Variants in FGF14 observed in about 807,000 individuals in gnomAD.
FGF14 encodes the protein fibroblast growth factor homologous factor 4.
A neutral mutation model predicts 25.5 loss-of-function variants in FGF14; 5 were observed. The ratio of observed to expected loss-of-function variants is 0.20; its 90% CI spans 0.10 to 0.41. FGF14 has a LOEUF of 0.41. FGF14 is among the 10% of genes least tolerant of loss of function. FGF14 has a pLI of 1.00. For synonymous variants in FGF14, 138 were observed against 118.3 expected, an observed-to-expected ratio of 1.17 and a Z score of -1.08; for missense variants, 222 against 320.1, an observed-to-expected ratio of 0.69 and a Z score of 2.34.
At position 102,144,357 on chromosome 13, in the gene FGF14, C is replaced by G. The variant is rs1487279625; in HGVS notation, c.208+257114G>C. On this transcript the variant is annotated intron_variant, in intron 1 of 4. Coordinates refer to the FGF14 transcript ENST00000376131. ...TTTTGATTAGATCAGGATTTTTACA[C>G]TGAACTGCTTATCCAAAAGAAATAA... is the stretch of plus-strand genomic sequence containing the variant. Among the ~76,000 whole-genome samples, 4 of 152,248 alleles carry G rather than the reference C, an allele frequency of 2.6e-5. No individual in the cohort carries two copies. In the East Asian group the frequency reaches 5.8e-4, roughly 22 times the overall value.
chr13:101,715,880 T>C lies in FGF14; in HGVS notation c.*6951A>G. The C allele has an allele frequency of 2.3e-6, 1 of 429,078 alleles. No individual in the cohort carries two copies. Among genetic ancestry groups the C allele is most frequent in the Non-Finnish European group, 4.2e-6 (1 of 237,472 alleles). 26.6% of individuals were successfully genotyped at this position (429,078 alleles called of 1,614,324 possible). A position where few individuals can be genotyped will look rare whatever the true frequency, so the allele number is the denominator to read the frequency against. Reference sequence around the variant, plus strand: ...AAGATTCTTCCATAATTAACATAAGTGGTTCCTAACGAGAGCAATTTTTCC... The same window carrying C: ...AAGATTCTTCCATAATTAACATAAGCGGTTCCTAACGAGAGCAATTTTTCC... On this transcript the variant is annotated 3_prime_UTR_variant, in exon 5 of 5. Coordinates refer to ENST00000376143, the MANE Select transcript of FGF14 (RefSeq NM_004115.4).
chr13:102,373,466 A>G (rs1454521523), intron 1 of FGF14: 2 of 152,194 alleles, frequency 1.3e-5, no homozygotes, highest in Non-Finnish European at 2.9e-5. Context: ...AAGACAGAGC[A>G]GAAGGTTCAT....
chr13:102,094,445 G>GA (rs536391495), intron 1 of FGF14, among the ~76,000 whole-genome samples: 24 of 152,224 alleles, frequency 1.6e-4, no homozygotes, highest in African/African-American at 5.8e-4. Flanking sequence ...AAATCACTGA[G>GA]AAAAAATGGG....
At chr13:101,733,021 A>G (rs1029751546) in intron 3 of FGF14, among the ~76,000 whole-genome samples, 6 of 152,174 alleles carry the variant, frequency 3.9e-5, no homozygotes, top group Non-Finnish European at 7.3e-5. Context: ...GACACTAACC[A>G]CTTCTTTAAA....
At chr13:101,841,749 G>C (rs1487367236) in intron 3 of FGF14, among the ~76,000 whole-genome samples, 1 of 151,884 alleles carries the variant, frequency 6.6e-6, no homozygotes, top group Non-Finnish European at 1.5e-5. Flanking sequence ...AAACTGTCTT[G>C]TTGTCAGTGT....
chr13:102,232,100 T>C (rs776267217), intron 1 of FGF14, among the ~76,000 whole-genome samples: 1 of 152,178 alleles, frequency 6.6e-6, no homozygotes, highest in African/African-American at 2.4e-5. Context: ...CAGACTACTA[T>C]AAACATGAAA....
chr13:102,243,776 C>T (rs1037812651), intron 1 of FGF14, among the ~76,000 whole-genome samples: 1 of 151,340 alleles, frequency 6.6e-6, no homozygotes, highest in African/African-American at 2.4e-5. Flanking sequence ...AATAGGTGGT[C>T]AGCAAGAGTG....
chr13:101,782,626 G>A (rs921252231), intron 3 of FGF14, among the ~76,000 whole-genome samples: 1 of 152,172 alleles, frequency 6.6e-6, no homozygotes, highest in African/African-American at 2.4e-5. Context: ...CTTAATAAGT[G>A]AGAACATGTG....
rs544855287 is a variant in FGF14 at position 101,854,279 on chromosome 13, T to G, written c.408+14446A>C. On this transcript the variant is annotated intron_variant, in intron 3 of 4. Coordinates refer to ENST00000376143, the MANE Select transcript of FGF14 (RefSeq NM_004115.4). ...TATTGCTGTTATCATAATTTTAGTC[T>G]TCCTAAGATTTCTAAGAGTGATCCC... Among the ~76,000 whole-genome samples, 14 of 152,252 alleles carry G rather than the reference T, an allele frequency of 9.2e-5. No homozygotes were observed. The South Asian group carries it at 2.9e-3, about 32-fold the overall frequency.
chr13:102,333,358 G>A (rs1200696389), intron 1 of FGF14, among the ~76,000 whole-genome samples: 2 of 152,150 alleles, frequency 1.3e-5, no homozygotes, highest in Non-Finnish European at 2.9e-5. Context: ...AGGTAGGAAG[G>A]TCTTTATTCC....
At chr13:101,806,506 AC>A (rs1296663612) in intron 3 of FGF14, among the ~76,000 whole-genome samples, 1 of 152,006 alleles carries the variant, frequency 6.6e-6, no homozygotes, top group Non-Finnish European at 1.5e-5. Flanking sequence ...CAAAATATGA[AC>A]AAAAAGTAAT....
rs17624725 is a variant in FGF14, at chr13:101,718,645, T to C, written c.*4186A>G. The C allele has an allele frequency of 0.16, 24,903 of 152,028 alleles. 2,368 individuals are homozygous for C. Among genetic ancestry groups the C allele is most frequent in the East Asian group, 0.34 (1,750 of 5,134 alleles). 9.4% of individuals were successfully genotyped at this position (152,028 alleles called of 1,614,324 possible). On this transcript the variant is annotated 3_prime_UTR_variant, in exon 5 of 5. Coordinates refer to ENST00000376143, the MANE Select transcript of FGF14 (RefSeq NM_004115.4). ...GTGCTAAGTCATAAGAGGAGAGCCATTATACCCGTTGTCTTTCTGGGCTCC... is the reference window on the plus strand; with the variant it reads ...GTGCTAAGTCATAAGAGGAGAGCCACTATACCCGTTGTCTTTCTGGGCTCC...
chr13:102,371,246 T>A (rs1001426772), intron 1 of FGF14, among the ~76,000 whole-genome samples: 1 of 152,192 alleles, frequency 6.6e-6, no homozygotes, highest in Non-Finnish European at 1.5e-5. Context: ...TGCCTGTCTT[T>A]AAATCGAATC....
chr13:102,220,637 A>G (rs1471591525), intron 1 of FGF14, among the ~76,000 whole-genome samples: 1 of 152,222 alleles, frequency 6.6e-6, no homozygotes, highest in Non-Finnish European at 1.5e-5. Context: ...CTTTAAAATA[A>G]CAGAGTTTTT....
chr13:101,827,543 G>A (rs1200705339), intron 3 of FGF14, among the ~76,000 whole-genome samples: 4 of 151,738 alleles, frequency 2.6e-5, no homozygotes, highest in Non-Finnish European at 5.9e-5. Context: ...TCAAGAAAGA[G>A]TAAGGCTATT....
chr13:101,963,192 A>C (rs1360190604), intron 1 of FGF14, among the ~76,000 whole-genome samples: 1 of 152,244 alleles, frequency 6.6e-6, no homozygotes, highest in African/African-American at 2.4e-5. Context: ...TCTAAGGACC[A>C]TTGCTCCAAC....
chr13:102,246,988 G>A (rs964606727), intron 1 of FGF14, among the ~76,000 whole-genome samples: 2 of 152,056 alleles, frequency 1.3e-5, no homozygotes, highest in Admixed American at 6.6e-5. Context: ...AACCAATGGG[G>A]AAATGACTCT....
intron 3 of FGF14, among the ~76,000 whole-genome samples, chr13:101,787,105 A>T (rs1479395771): frequency 6.6e-6 from 1 of 152,220 alleles, no homozygotes; most frequent in Non-Finnish European, 1.5e-5. Context: ...CATTCAAAAT[A>T]TATAATAAGC....
intron 3 of FGF14, among the ~76,000 whole-genome samples, chr13:101,868,060 CTT>C (rs1050193213): frequency 6.6e-6 from 1 of 152,056 alleles, no homozygotes; most frequent in Admixed American, 6.6e-5. Flanking sequence ...GCATTTAAGA[CTT>C]TATCAATTTT....
Sources: allele counts gnomAD v4.1 joint callset (sites outside exome capture counted in the v4.1 genomes callset), GRCh38; gene constraint gnomAD v4.1.1; transcripts MANE v1.5; gene names NCBI Gene and HGNC (gene_info 2026-07-23, HGNC 2026-07-21).